Variants in PREX2 observed in about 807,000 individuals in gnomAD.
PREX2 encodes phosphatidylinositol-3,4,5-trisphosphate dependent Rac exchange factor 2, also known as phosphatidylinositol 3,4,5-trisphosphate-dependent Rac exchanger 2 protein.
In PREX2, 107 loss-of-function variants were observed where a neutral mutation model predicts 203.2. The ratio of observed to expected loss-of-function variants is 0.53; its 90% CI spans 0.45 to 0.62. The LOEUF is 0.62. Ranked by LOEUF, PREX2 falls within the 20% of genes least tolerant of loss-of-function variation. The probability of loss-of-function intolerance (pLI) is 0.00; values close to 1 mark genes in which losing one functional copy is unlikely to be tolerated. For synonymous variants in PREX2, 672 were observed against 663.6 expected (o/e 1.01, Z -0.19); for missense variants, 1,777 against 1,955.9 (o/e 0.91, Z 1.72).
At chr8:67,993,786 T>G (rs547397601) in intron 1 of PREX2, among the ~76,000 whole-genome samples, 1 of 152,302 alleles carries the variant, frequency 6.6e-6, no homozygotes, top group East Asian at 1.9e-4. Flanking sequence ...ACCCACCACA[T>G]ATACATATTA....
At chr8:68,224,672 A>C in intron 39 of PREX2, 46 bp downstream of exon 39, 1 of 1,460,706 alleles carries the variant, frequency 6.8e-7, no homozygotes, top group Admixed American at 1.7e-5. Flanking sequence ...ATTTGCCAGC[A>C]TTTTCCCCGG....
chr8:68,212,962 A>T (rs1460315517), intron 37 of PREX2, among the ~76,000 whole-genome samples: 1 of 152,138 alleles, frequency 6.6e-6, no homozygotes, highest in Non-Finnish European at 1.5e-5. Flanking sequence ...TTGTCCTCCA[A>T]AACATATATA....
intron 1 of PREX2, among the ~76,000 whole-genome samples, chr8:67,961,689 A>G (rs147218688): frequency 2.0e-5 from 3 of 152,276 alleles, no homozygotes; most frequent in African/African-American, 7.2e-5. Context: ...CAAGAGTTCA[A>G]TGATTGAAAT....
intron 1 of PREX2, among the ~76,000 whole-genome samples, chr8:68,000,629 T>C (rs1806911411): frequency 1.3e-5 from 2 of 152,230 alleles, no homozygotes; most frequent in African/African-American, 4.8e-5. Flanking sequence ...AAAAACAAGC[T>C]TGAATAGCCA....
chr8:68,143,310 T>C lies in PREX2; in HGVS notation c.4088-2899T>C, dbSNP rs189865135. On this transcript the variant is annotated intron_variant, in intron 33 of 39. Coordinates refer to ENST00000288368, the MANE Select transcript of PREX2 (RefSeq NM_024870.4). ...ATAATGAGTTCTCATGAGATCTGGT[T>C]GTTTAAAAGTGTGTAGCATGTCCCA... is the stretch of plus-strand genomic sequence containing the variant. 4.6e-5 allele frequency among the ~76,000 whole-genome samples: 7 copies of C among 152,160 alleles called. No individual in the cohort carries two copies. In the East Asian group the frequency reaches 1.4e-3, roughly 29 times the overall value.
chr8:68,195,837 A>G (rs1203140406), intron 37 of PREX2, among the ~76,000 whole-genome samples: 3 of 152,250 alleles, frequency 2.0e-5, no homozygotes, highest in Non-Finnish European at 2.9e-5. Flanking sequence ...CTGGACAGAA[A>G]TAGGATCTAA....
chr8:68,136,357 GA>G (rs1464313991), intron 32 of PREX2, among the ~76,000 whole-genome samples: 2 of 152,046 alleles, frequency 1.3e-5, no homozygotes, highest in African/African-American at 4.8e-5. Flanking sequence ...AAAAATTCAA[GA>G]AACCCATAGT....
In PREX2 at chr8:68,235,158, C is replaced by G. The variant is rs996575013; in HGVS notation, c.*3780C>G. 7.9e-5 allele frequency: 12 copies of G among 151,976 alleles called. No homozygotes were observed. Among genetic ancestry groups the G allele is most frequent in the African/African-American group, 2.9e-4 (12 of 41,382 alleles). The allele number at this position is 151,976 out of a possible 1,614,324, so 9.4% of individuals were successfully genotyped here. A position where few individuals can be genotyped will look rare whatever the true frequency, so the allele number is the denominator to read the frequency against. ...TTTGTTAGTTGAAGTAGATCTTTTC[C>G]TGTGTAGCATGATTTAATGCAGAGC... On this transcript the variant is annotated 3_prime_UTR_variant, in exon 40 of 40. Transcript: ENST00000288368.
intron 1 of PREX2, among the ~76,000 whole-genome samples, chr8:68,010,449 C>T (rs1807225505): frequency 6.6e-6 from 1 of 152,154 alleles, no homozygotes; most frequent in East Asian, 1.9e-4. Flanking sequence ...TAATAATAAT[C>T]ATAACCACAG....
intron 35 of PREX2, among the ~76,000 whole-genome samples, chr8:68,168,796 C>T (rs1004203581): frequency 6.6e-6 from 1 of 152,168 alleles, no homozygotes; most frequent in Non-Finnish European, 1.5e-5. Context: ...AAAAAGTCAC[C>T]CTGAGGTGTC....
intron 1 of PREX2, among the ~76,000 whole-genome samples, chr8:67,997,204 A>T (rs1037230552): frequency 3.3e-5 from 5 of 152,116 alleles, no homozygotes; most frequent in Non-Finnish European, 5.9e-5. Context: ...AATAGTAATA[A>T]TTCAGTTAAC....
chr8:67,989,127 A>G (rs1450517357), intron 1 of PREX2, among the ~76,000 whole-genome samples: 1 of 152,072 alleles, frequency 6.6e-6, no homozygotes, highest in East Asian at 1.9e-4. Context: ...AAAATTAATG[A>G]GGAATGGATG....
chr8:67,966,125 T>C (rs1805769946), intron 1 of PREX2, among the ~76,000 whole-genome samples: 4 of 152,198 alleles, frequency 2.6e-5, no homozygotes. Flanking sequence ...TCTTCAATTT[T>C]AAATATATGT....
intron 34 of PREX2, among the ~76,000 whole-genome samples, chr8:68,156,740 T>C (rs1258316797): frequency 1.3e-5 from 2 of 152,114 alleles, no homozygotes; most frequent in African/African-American, 2.4e-5. Context: ...GGCCCAGTTA[T>C]GGGGAGGTGA....
chr8:67,964,736 A>T (rs948500709), intron 1 of PREX2, among the ~76,000 whole-genome samples: 1 of 152,284 alleles, frequency 6.6e-6, no homozygotes, highest in Admixed American at 6.5e-5. Flanking sequence ...CCAAGATAAT[A>T]TGGAAATTCT....
At chr8:68,207,511 G>T (rs1812653459) in intron 37 of PREX2, among the ~76,000 whole-genome samples, 1 of 152,034 alleles carries the variant, frequency 6.6e-6, no homozygotes, top group African/African-American at 2.4e-5. Context: ...CTGAGTCCTA[G>T]GAAGTATGCT....
At chr8:67,992,845 G>A (rs779084180) in intron 1 of PREX2, among the ~76,000 whole-genome samples, 2 of 152,160 alleles carry the variant, frequency 1.3e-5, no homozygotes, top group African/African-American at 2.4e-5. Flanking sequence ...TTCAGAGGGC[G>A]TAGGGGGTCA....
At chr8:68,026,976 C>T (rs1000081532) in intron 4 of PREX2, among the ~76,000 whole-genome samples, 1 of 151,980 alleles carries the variant, frequency 6.6e-6, no homozygotes, top group Admixed American at 6.6e-5. Context: ...TCTCTTTTTC[C>T]TCAGACTTCA....
chr8:67,972,630 C>G (rs1237390293), intron 1 of PREX2, among the ~76,000 whole-genome samples: 2 of 152,298 alleles, frequency 1.3e-5, no homozygotes, highest in East Asian at 3.9e-4. Flanking sequence ...ATCAGTGTTA[C>G]TTGTTTGAAA....
Sources: allele counts gnomAD v4.1 joint callset (sites outside exome capture counted in the v4.1 genomes callset), GRCh38; gene constraint gnomAD v4.1.1; transcripts MANE v1.5; gene names NCBI Gene and HGNC (gene_info 2026-07-23, HGNC 2026-07-21).